PITPNC1: variants seen among roughly 807,000 people sequenced by gnomAD.
PITPNC1 encodes cytoplasmic phosphatidylinositol transfer protein 1.
PITPNC1 carries 18 observed loss-of-function variants against 44.7 expected under a neutral mutation model. The ratio of observed to expected loss-of-function variants is 0.40; its 90% confidence interval spans 0.28 to 0.60. The LOEUF is 0.60. Ranked by LOEUF, PITPNC1 falls within the 20% of genes least tolerant of loss-of-function variation. The probability of loss-of-function intolerance (pLI) is 0.39; values close to 1 mark genes in which losing one functional copy is unlikely to be tolerated. For missense variants in PITPNC1, 290 were observed against 418.4 expected (o/e 0.69, Z 2.68); for synonymous variants, 141 against 149.6 (o/e 0.94, Z 0.42).
chr17:67,608,718 G>A (rs1389235957), intron 5 of PITPNC1, among the ~76,000 whole-genome samples: 2 of 144,308 alleles, frequency 1.4e-5, no homozygotes, highest in Admixed American at 1.4e-4. Flanking sequence ...TGCCCAGGCT[G>A]GTCTCAAACT....
At chr17:67,661,619 A>G (rs896084737) in intron 6 of PITPNC1, among the ~76,000 whole-genome samples, 2 of 152,280 alleles carry the variant, frequency 1.3e-5, no homozygotes, top group South Asian at 4.1e-4. Context: ...CCCAGGGCAA[A>G]GAAATGTGGT....
At chr17:67,628,357 G>C (rs183950059) in intron 5 of PITPNC1, among the ~76,000 whole-genome samples, 6 of 152,184 alleles carry the variant, frequency 3.9e-5, no homozygotes, top group African/African-American at 1.4e-4. Context: ...TGTATGCAAT[G>C]GGTGTATCAG....
At chr17:67,469,193 G>A (rs2039476472) in intron 1 of PITPNC1, among the ~76,000 whole-genome samples, 1 of 152,116 alleles carries the variant, frequency 6.6e-6, no homozygotes, top group African/African-American at 2.4e-5. Context: ...AGTCCCTGTA[G>A]TAGCCCCAGG....
intron 1 of PITPNC1, among the ~76,000 whole-genome samples, chr17:67,462,981 C>T (rs1443622020): frequency 1.3e-5 from 2 of 152,218 alleles, no homozygotes; most frequent in African/African-American, 2.4e-5. Context: ...GGATTACAGG[C>T]GTGAGCCGCC....
chr17:67,385,574 T>C (rs1444872680), intron 1 of PITPNC1, among the ~76,000 whole-genome samples: 1 of 150,416 alleles, frequency 6.6e-6, no homozygotes, highest in Non-Finnish European at 1.5e-5. Flanking sequence ...ATCTTCCTGC[T>C]GTCCGCTCTT....
chr17:67,579,558 A>G (rs2570056), intron 5 of PITPNC1, among the ~76,000 whole-genome samples: 1 of 148,072 alleles, frequency 6.8e-6, no homozygotes, highest in African/African-American at 2.5e-5. Flanking sequence ...CATCAAAACC[A>G]CCATGCCTAA....
intron 7 of PITPNC1, among the ~76,000 whole-genome samples, chr17:67,673,603 C>T (rs2042548827): frequency 6.6e-6 from 1 of 152,010 alleles, no homozygotes; most frequent in Non-Finnish European, 1.5e-5. Context: ...ACATGAAAGT[C>T]AAACCTAAAA....
intron 1 of PITPNC1, among the ~76,000 whole-genome samples, chr17:67,453,109 T>C (rs907548985): frequency 2.6e-5 from 4 of 152,192 alleles, no homozygotes; most frequent in Non-Finnish European, 5.9e-5. Context: ...TGATCCAGTA[T>C]TGTGTCCGGG....
intron 4 of PITPNC1, among the ~76,000 whole-genome samples, chr17:67,557,146 G>A (rs2040848874): frequency 6.6e-6 from 1 of 152,126 alleles, no homozygotes; most frequent in African/African-American, 2.4e-5. Flanking sequence ...CCTGGTGAGG[G>A]CTGTCTTCCT....
Position 67,693,131 on chromosome 17 carries a change from C to G in PITPNC1, c.*243C>G. 2 of 434,686 alleles carry G rather than the reference C, an allele frequency of 4.6e-6. No individual in the cohort carries two copies. The highest frequency in any genetic ancestry group is 9.6e-5 in the South Asian group (2 of 20,846). 26.9% of individuals were successfully genotyped at this position (434,686 alleles called of 1,614,324 possible). The stretch of plus-strand genomic sequence containing the variant: ...GAAGGAATCTTCTGTAACCACATAG[C>G]TGTATGCCAGAGAGGAAGCCTTGTT... On this transcript the variant is annotated 3_prime_UTR_variant, in exon 9 of 9. Coordinates refer to ENST00000581322, the MANE Select transcript of PITPNC1 (RefSeq NM_012417.4).
At chr17:67,667,534 A>G (rs1326520556) in intron 6 of PITPNC1, among the ~76,000 whole-genome samples, 1 of 151,324 alleles carries the variant, frequency 6.6e-6, no homozygotes, top group Non-Finnish European at 1.5e-5. Flanking sequence ...TCATACATAC[A>G]TATTTAAGCA....
chr17:67,387,542 T>C (rs2038073382), intron 1 of PITPNC1, among the ~76,000 whole-genome samples: 1 of 152,056 alleles, frequency 6.6e-6, no homozygotes, highest in Admixed American at 6.6e-5. Context: ...GGTGGGCGCC[T>C]GTAATCCCAG....
intron 1 of PITPNC1, among the ~76,000 whole-genome samples, chr17:67,425,241 A>G (rs2038743068): frequency 7.8e-5 from 11 of 140,188 alleles, no homozygotes; most frequent in Admixed American, 1.4e-4. Context: ...ACACACACAC[A>G]CACACACACA....
At chr17:67,643,800 T>A (rs975174927) in intron 6 of PITPNC1, among the ~76,000 whole-genome samples, 2 of 152,170 alleles carry the variant, frequency 1.3e-5, no homozygotes, top group African/African-American at 4.8e-5. Flanking sequence ...ACAGTAAGCA[T>A]TTCATAAGTG....
chr17:67,481,864 C>G (rs1183306352), intron 1 of PITPNC1, among the ~76,000 whole-genome samples: 1 of 149,248 alleles, frequency 6.7e-6, no homozygotes, highest in African/African-American at 2.5e-5. Flanking sequence ...AATAACAATT[C>G]GAAGTAGTAT....
intron 1 of PITPNC1, among the ~76,000 whole-genome samples, chr17:67,476,010 A>G (rs758077362): frequency 1.3e-5 from 2 of 151,918 alleles, no homozygotes; most frequent in Non-Finnish European, 2.9e-5. Flanking sequence ...GACAGTATTA[A>G]CTCCTCACTC....
At chr17:67,615,439 C>T (rs1023140870) in intron 5 of PITPNC1, among the ~76,000 whole-genome samples, 6 of 152,136 alleles carry the variant, frequency 3.9e-5, no homozygotes, top group South Asian at 2.1e-4. Context: ...GCAGGGCTGC[C>T]GGCCTCCTTG....
At chr17:67,688,642 T>TC (rs1259136375) in intron 8 of PITPNC1, among the ~76,000 whole-genome samples, 1 of 152,106 alleles carries the variant, frequency 6.6e-6, no homozygotes, top group Non-Finnish European at 1.5e-5. Context: ...CAGTAGGACT[T>TC]CCCCCTAGAA....
chr17:67,667,670 T>TAAA (rs546338527), intron 6 of PITPNC1, among the ~76,000 whole-genome samples: 1 of 138,028 alleles, frequency 7.2e-6, no homozygotes, highest in Middle Eastern at 3.5e-3. Context: ...TGATTAAACT[T>TAAA]AAAAAAAAAA....
Sources: gnomAD v4.1 joint callset for allele counts (sites outside exome capture counted in the v4.1 genomes callset) on GRCh38, gnomAD v4.1.1 for gene constraint, MANE v1.5 for transcripts, NCBI Gene and HGNC (gene_info 2026-07-23, HGNC 2026-07-21) for gene names.